The following UGGT2 variants were observed in gnomAD, a reference collection of about 807,000 sequenced individuals.
UGGT2 encodes the protein UDP-glucose glycoprotein glucosyltransferase 2, also known as UDP-glucose:glycoprotein glucosyltransferase 2.
In UGGT2, 180 loss-of-function variants were observed where a neutral mutation model predicts 192.1. The ratio of observed to expected loss-of-function variants is 0.94; its 90% CI spans 0.83 to 1.06. The LOEUF is 1.06. Ranked by LOEUF, UGGT2 falls within the 50% of genes least tolerant of loss-of-function variation. The probability of loss-of-function intolerance (pLI) is 0.00; values close to 1 mark genes in which losing one functional copy is unlikely to be tolerated. For synonymous variants in UGGT2, 580 were observed against 591.0 expected, an observed-to-expected ratio of 0.98 and a Z score of 0.27; for missense variants, 1,849 against 1,795.7, an observed-to-expected ratio of 1.03 and a Z score of -0.54.
At chr13:95,891,699 T>G (rs748179246) in intron 24 of UGGT2, among the ~76,000 whole-genome samples, 4 of 152,174 alleles carry the variant, frequency 2.6e-5, no homozygotes, top group Non-Finnish European at 5.9e-5. Flanking sequence ...AGGAAATATT[T>G]TTCTCAGATG....
intron 38 of UGGT2, among the ~76,000 whole-genome samples, chr13:95,825,604 A>G (rs1885953457): frequency 6.6e-6 from 1 of 152,176 alleles, no homozygotes. Context: ...GAAGTGTTCC[A>G]GGAAGGCTGT....
intron 29 of UGGT2, 90 bp from the exon 30 acceptor site, chr13:95,867,513 G>A (rs982305960): frequency 2.7e-5 from 29 of 1,059,762 alleles, no homozygotes; most frequent in East Asian, 5.1e-5. Context: ...TGCAATAAAC[G>A]TAAGTCCAAT....
chr13:95,869,029 T>C (rs1458750982), intron 29 of UGGT2, among the ~76,000 whole-genome samples: 1 of 128,424 alleles, frequency 7.8e-6, no homozygotes, highest in South Asian at 3.0e-4. Flanking sequence ...ATGCTATCCC[T>C]CCCCCCTCCC....
At chr13:95,846,287 TG>T (rs1888439370) in intron 36 of UGGT2, among the ~76,000 whole-genome samples, 1 of 152,010 alleles carries the variant, frequency 6.6e-6, no homozygotes, top group Admixed American at 6.5e-5. Flanking sequence ...CAGTCAGGCG[TG>T]GCAGCGCGCG....
At chr13:96,014,450 A>C (rs780789519) in intron 4 of UGGT2, among the ~76,000 whole-genome samples, 24 of 152,316 alleles carry the variant, frequency 1.6e-4, no homozygotes, top group Non-Finnish European at 2.8e-4. Flanking sequence ...CTAAATCAAA[A>C]TCATTCAAGC....
At chr13:95,861,222 G>A (rs1347682769) in intron 31 of UGGT2, among the ~76,000 whole-genome samples, 1 of 152,070 alleles carries the variant, frequency 6.6e-6, no homozygotes, top group Non-Finnish European at 1.5e-5. Context: ...GTTTAAACAG[G>A]TCAATGAGGG....
At chr13:95,940,451 TTTTC>T (rs2049633939) in intron 15 of UGGT2, among the ~76,000 whole-genome samples, 1 of 150,118 alleles carries the variant, frequency 6.7e-6, no homozygotes, top group Non-Finnish European at 1.5e-5. Flanking sequence ...ATTTTTTTCT[TTTTC>T]TTTTTTTTTT....
At chr13:95,883,238 G>A (rs576559027) in intron 27 of UGGT2, among the ~76,000 whole-genome samples, 1 of 152,268 alleles carries the variant, frequency 6.6e-6, no homozygotes, top group Non-Finnish European at 1.5e-5. Flanking sequence ...TAAGAAGCAT[G>A]AGAAATAAAC....
At chr13:95,857,807 T>C (rs957606355) in intron 33 of UGGT2, among the ~76,000 whole-genome samples, 2 of 152,160 alleles carry the variant, frequency 1.3e-5, no homozygotes, top group Non-Finnish European at 2.9e-5. Flanking sequence ...AACAAGACTT[T>C]CTAATCCAGA....
intron 37 of UGGT2, among the ~76,000 whole-genome samples, chr13:95,836,223 T>C (rs1044787765): frequency 6.6e-6 from 1 of 152,154 alleles, no homozygotes; most frequent in Admixed American, 6.5e-5. Flanking sequence ...TAATTTTTTG[T>C]AATTTTAGTA....
chr13:95,996,040 A>C (rs1445021111), intron 7 of UGGT2, 23 bp downstream of exon 7: 1 of 1,604,618 alleles, frequency 6.2e-7, no homozygotes, highest in Admixed American at 1.7e-5. Flanking sequence ...AATAATACCA[A>C]TTTCATTTCC....
chr13:95,962,455 A>T (rs2050428775), intron 12 of UGGT2, among the ~76,000 whole-genome samples: 1 of 152,156 alleles, frequency 6.6e-6, no homozygotes, highest in Non-Finnish European at 1.5e-5. Flanking sequence ...GAGGAAATGG[A>T]TAAATTCCTG....
intron 38 of UGGT2, among the ~76,000 whole-genome samples, chr13:95,803,044 C>G (rs1884137238): frequency 6.6e-6 from 1 of 151,844 alleles, no homozygotes; most frequent in Non-Finnish European, 1.5e-5. Context: ...CCGTGTTAGC[C>G]AGGATGGTCT....
chr13:95,868,899 T>G (rs1167611884), intron 29 of UGGT2, among the ~76,000 whole-genome samples: 1 of 152,030 alleles, frequency 6.6e-6, no homozygotes, highest in Admixed American at 6.6e-5. Flanking sequence ...TTTTTATTTA[T>G]TATACTTTAA....
rs982539347 is a variant in UGGT2 at position 96,033,563 on chromosome 13, T to A, written c.159-1592A>T. On this transcript the variant is annotated intron_variant, in intron 1 of 38. Transcript: ENST00000376747. ...CCAGCTGCAGCTGTGGACCAACGCA[T>A]CCCTGCACTCTCAGGGGCCTGCAAA... Among the ~76,000 whole-genome samples the A allele has an allele frequency of 5.9e-5, 9 of 152,204 alleles. No individual in the cohort carries two copies. In the East Asian group the frequency reaches 1.2e-3, roughly 20 times the overall value.
At chr13:95,976,278 C>A (rs1362413361) in intron 10 of UGGT2, among the ~76,000 whole-genome samples, 62 of 152,092 alleles carry the variant, frequency 4.1e-4, no homozygotes, top group Admixed American at 4.1e-3. Flanking sequence ...AAATAATATT[C>A]CATTGTGTCT....
rs139981455 is a variant in UGGT2 at position 95,879,521 on chromosome 13, C to T, written c.3229-1665G>A. Among the ~76,000 whole-genome samples, 201 of 152,234 alleles carry T rather than the reference C, an allele frequency of 1.3e-3. 1 individual carries two copies. In the East Asian group the frequency reaches 0.03, roughly 23 times the overall value. ...CACGATCTCGGCTCACTGCAACATCCGCCTCCCGGGCTTAAGCGATTCTCC... is the reference window on the plus strand; with the variant it reads ...CACGATCTCGGCTCACTGCAACATCTGCCTCCCGGGCTTAAGCGATTCTCC... On this transcript the variant is annotated intron_variant, in intron 27 of 38. Transcript: ENST00000376747.
intron 37 of UGGT2, among the ~76,000 whole-genome samples, 182 bp downstream of exon 37, chr13:95,836,904 G>A (rs1267246545): frequency 3.3e-5 from 5 of 152,102 alleles, no homozygotes; most frequent in Non-Finnish European, 7.4e-5. Flanking sequence ...CAAACCTCAG[G>A]GTGGTCTTGG....
chr13:95,853,591 C>A lies in UGGT2; in HGVS notation c.4236G>T (p.Gln1412His). Residue 1412 changes from glutamine (Q) to histidine (H), a missense_variant, in exon 36 of 39, where the codon CAG becomes CAT. Gln to His is a conservative substitution (Grantham distance 24). Coordinates refer to ENST00000376747, the MANE Select transcript of UGGT2 (RefSeq NM_020121.4). ...TTGGATCTTGACTGAGAGCTTGATA[C>A]TGGCTCCTGAGCCTGTCACCTGCTC... ...RIGAGDRLRS[Q>H]YQALSQDPNS... is the part of the protein sequence containing the mutation. The A allele has an allele frequency of 6.2e-7, 1 of 1,610,722 alleles. No homozygotes were observed. Among genetic ancestry groups the A allele is most frequent in the African/African-American group, 1.3e-5 (1 of 74,740 alleles).
Sources: gnomAD v4.1 joint callset for allele counts (sites outside exome capture counted in the v4.1 genomes callset) on GRCh38, gnomAD v4.1.1 for gene constraint, MANE v1.5 for transcripts, NCBI Gene and HGNC (gene_info 2026-07-23, HGNC 2026-07-21) for gene names.